USH2A: variants seen among roughly 807,000 people sequenced by gnomAD.
USH2A encodes the protein Usher syndrome 2A (autosomal recessive, mild).
A neutral mutation model predicts 538.9 loss-of-function variants in USH2A; 443 were observed. That is an observed-to-expected ratio of 0.82 (90% CI 0.76 to 0.89). The LOEUF is 0.89. Among genes scored for constraint, USH2A ranks in the 40% least tolerant of loss-of-function variants. The pLI is 0.00. For synonymous variants in USH2A, 2,413 were observed against 2,273.5 expected, an observed-to-expected ratio of 1.06 and a Z score of -1.75; for missense variants, 6,633 against 6,324.8, an observed-to-expected ratio of 1.05 and a Z score of -1.65.
intron 50 of USH2A, among the ~76,000 whole-genome samples, chr1:215,796,238 T>C (rs1662130555): frequency 6.6e-6 from 1 of 152,006 alleles, no homozygotes; most frequent in Non-Finnish European, 1.5e-5. Context: ...TATTGTGCTT[T>C]GATTTACTGC....
intron 44 of USH2A, among the ~76,000 whole-genome samples, chr1:215,850,310 A>C (rs1331963222): frequency 6.6e-6 from 1 of 152,154 alleles, no homozygotes; most frequent in African/African-American, 2.4e-5. Flanking sequence ...TTAAATTTTA[A>C]AATATAGTCG....
intron 22 of USH2A, among the ~76,000 whole-genome samples, chr1:216,093,389 T>C (rs573926730): frequency 4.6e-4 from 70 of 152,208 alleles, no homozygotes; most frequent in African/African-American, 1.7e-3. Flanking sequence ...CTCTAAGCAA[T>C]TGTGTGAATG....
Position 216,052,363 on chromosome 1 carries a change from GAA to G in USH2A, c.6050-3718_6050-3717del, listed in dbSNP as rs66887627. Among the ~76,000 whole-genome samples the G allele has an allele frequency of 3.1e-3, 394 of 127,718 alleles. 3 individuals carry two copies. The highest frequency in any genetic ancestry group is 9.0e-3 in the African/African-American group (293 of 32,496). The allele number at this position is 127,718 out of a possible 152,430, so 83.8% of individuals were successfully genotyped here. ...GAGAGCTGAAAAATAGAAAACAAAG[GAA>G]AAAAAAAAAAAAAGAAAGAAAAAGA... On this transcript the variant is annotated intron_variant, in intron 30 of 71. Transcript: ENST00000307340.
chr1:216,105,382 A>G (rs955944857), intron 21 of USH2A, among the ~76,000 whole-genome samples: 2 of 151,826 alleles, frequency 1.3e-5, no homozygotes, highest in African/African-American at 4.8e-5. Context: ...ACTCCTATAC[A>G]CTATACAGTA....
intron 62 of USH2A, among the ~76,000 whole-genome samples, chr1:215,679,477 C>A (rs1658152484): frequency 6.6e-6 from 1 of 152,202 alleles, no homozygotes; most frequent in South Asian, 2.1e-4. Context: ...ACAGGTATGT[C>A]TGCCACCATC....
rs368729635 is a variant in USH2A at position 215,743,054 on chromosome 1, T to C, written c.11548+123A>G. On this transcript the variant is annotated intron_variant, in intron 59 of 71. Transcript: ENST00000307340. ...TGATTTTTCTGGGTAAACAGTCCAC[T>C]ACAAATAAGAAGTGAAACGTTAGTC... 1.7e-4 allele frequency: 212 copies of C among 1,236,958 alleles called. 1 individual carries two copies. In the South Asian group the frequency reaches 2.2e-3, roughly 13 times the overall value. The allele number at this position is 1,236,958 out of a possible 1,614,324, so 76.6% of individuals were successfully genotyped here. A position where few individuals can be genotyped will look rare whatever the true frequency, so the allele number is the denominator to read the frequency against.
chr1:216,199,877 G>A lies in USH2A; in HGVS notation c.3561C>T (p.Ala1187=), dbSNP rs150494652. 3 of 1,613,970 alleles carry A rather than the reference G, an allele frequency of 1.9e-6. No individual in the cohort carries two copies. Among genetic ancestry groups the A allele is most frequent in the African/African-American group, 2.7e-5 (2 of 74,900 alleles). The change falls in exon 17 of 72, where the codon GCC becomes GCT. Residue 1187 remains alanine, a synonymous_variant. Coordinates refer to ENST00000307340, the MANE Select transcript of USH2A (RefSeq NM_206933.4). Reference sequence around the variant, plus strand: ...CACATGGCTGACCACCAGCCAAAGGGGCACAGGACAAAATATATTTCTCTA... The same window carrying A: ...CACATGGCTGACCACCAGCCAAAGGAGCACAGGACAAAATATATTTCTCTA... ...GPIEKYILSC[A]PLAGGQPCVS...
At chr1:215,779,569 GA>G (rs1353888619) in intron 55 of USH2A, among the ~76,000 whole-genome samples, 13 of 150,926 alleles carry the variant, frequency 8.6e-5, no homozygotes, top group Admixed American at 5.9e-4. Flanking sequence ...CTGTTTGTTT[GA>G]AAAAAAAAGT....
At chr1:216,366,587 C>T (rs950900149) in intron 3 of USH2A, among the ~76,000 whole-genome samples, 2 of 151,762 alleles carry the variant, frequency 1.3e-5, no homozygotes, top group Admixed American at 1.3e-4. Context: ...CAATGTCCCC[C>T]CCCAAAAAAA....
At chr1:216,254,053 T>A (rs2036213748) in intron 11 of USH2A, among the ~76,000 whole-genome samples, 1 of 152,118 alleles carries the variant, frequency 6.6e-6, no homozygotes, top group Non-Finnish European at 1.5e-5. Flanking sequence ...AAAACCTAAG[T>A]CTTATCGAGA....
chr1:216,022,412 A>G (rs1668864309), intron 32 of USH2A, among the ~76,000 whole-genome samples: 2 of 152,262 alleles, frequency 1.3e-5, no homozygotes, highest in African/African-American at 2.4e-5. Context: ...GCGAAAGCCC[A>G]TGCACTGGAA....
intron 11 of USH2A, among the ~76,000 whole-genome samples, chr1:216,289,026 C>T (rs557928286): frequency 2.0e-5 from 3 of 152,206 alleles, no homozygotes; most frequent in East Asian, 1.9e-4. Context: ...CTTAGAACCC[C>T]TACCCTTCGA....
At chr1:216,257,729 A>C (rs1220039208) in intron 11 of USH2A, among the ~76,000 whole-genome samples, 5 of 151,950 alleles carry the variant, frequency 3.3e-5, no homozygotes, top group African/African-American at 9.7e-5. Context: ...TGCTGTTTTC[A>C]TTTTTACAAA....
At position 215,813,260 on chromosome 1, in the gene USH2A, C is replaced by T. The variant is rs185807673; in HGVS notation, c.9739+476G>A. Among the ~76,000 whole-genome samples, 290 of 152,234 alleles carry T rather than the reference C, an allele frequency of 1.9e-3. 1 individual carries two copies. Among genetic ancestry groups the T allele is most frequent in the Non-Finnish European group, 2.0e-3 (134 of 68,002 alleles). ...CTTTGCAGCATTCTTCCTTCCCTTG[C>T]CTGACTTATGATGAGAGAATATTGC... On this transcript the variant is annotated intron_variant, in intron 49 of 71. Transcript: ENST00000307340.
chr1:216,128,705 G>T (rs1226838921), intron 21 of USH2A, among the ~76,000 whole-genome samples: 1 of 151,914 alleles, frequency 6.6e-6, no homozygotes, highest in East Asian at 1.9e-4. Context: ...CAGGATAATT[G>T]GGATATGCAT....
At chr1:216,051,960 C>T (rs1394499430) in intron 30 of USH2A, among the ~76,000 whole-genome samples, 1 of 152,140 alleles carries the variant, frequency 6.6e-6, no homozygotes, top group Non-Finnish European at 1.5e-5. Flanking sequence ...ATTCTATAGA[C>T]TTTCAGAGGG....
chr1:215,910,067 A>G (rs1366422736), intron 38 of USH2A, among the ~76,000 whole-genome samples: 2 of 152,024 alleles, frequency 1.3e-5, no homozygotes, highest in African/African-American at 4.8e-5. Flanking sequence ...CCAAAAGACT[A>G]TGATTGAAAT....
chr1:215,671,193 G>A lies in USH2A; in HGVS notation c.13912C>T (p.Pro4638Ser). ...GGAGCCATTTGTACCTCCAGATGTG[G>A]AGGGGGTTGCATCAAAGGTGCAATC... The part of the protein sequence containing the change: ...PEIAPLMQPP[P>S]HLEVQMAPGG... The change falls in exon 64 of 72, where the codon CCA becomes TCA. Residue 4638 changes from proline (P) to serine (S), a missense_variant. Coordinates refer to ENST00000307340, the MANE Select transcript of USH2A (RefSeq NM_206933.4). The A allele has an allele frequency of 6.2e-7, 1 of 1,614,148 alleles. No homozygotes were observed. Among genetic ancestry groups the A allele is most frequent in the Non-Finnish European group, 8.5e-7 (1 of 1,180,022 alleles).
chr1:216,132,922 G>C (rs973890758), intron 21 of USH2A, among the ~76,000 whole-genome samples: 6 of 152,044 alleles, frequency 3.9e-5, no homozygotes, highest in African/African-American at 1.4e-4. Context: ...AAAGCTTAAT[G>C]TGTTTTCTTT....
Sources: gnomAD v4.1 joint callset for allele counts (sites outside exome capture counted in the v4.1 genomes callset) on GRCh38, gnomAD v4.1.1 for gene constraint, MANE v1.5 for transcripts, NCBI Gene and HGNC (gene_info 2026-07-23, HGNC 2026-07-21) for gene names.